The following PPM1E variants were observed in gnomAD, a reference collection of about 807,000 sequenced individuals.
PPM1E encodes protein phosphatase 1E.
A neutral mutation model predicts 65.9 loss-of-function variants in PPM1E; 20 were observed. The ratio of observed to expected loss-of-function variants is 0.30; its 90% CI spans 0.21 to 0.44. The LOEUF (loss-of-function observed/expected upper bound fraction) is 0.44, where lower values mean the gene tolerates loss of function less well. Ranked by LOEUF, PPM1E falls within the 20% of genes least tolerant of loss-of-function variation. The pLI is 1.00. For missense variants in PPM1E, 713 were observed against 953.1 expected (o/e 0.75, Z 3.32); for synonymous variants, 352 against 374.9 (o/e 0.94, Z 0.70).
intron 1 of PPM1E, among the ~76,000 whole-genome samples, chr17:58,795,824 A>G (rs2050200702): frequency 6.6e-6 from 1 of 152,142 alleles, no homozygotes. Context: ...TGCTGGGTAC[A>G]TGTATGTCTT....
At chr17:58,814,254 G>A (rs1272456837) in intron 1 of PPM1E, among the ~76,000 whole-genome samples, 1 of 151,852 alleles carries the variant, frequency 6.6e-6, no homozygotes, top group Non-Finnish European at 1.5e-5. Flanking sequence ...TCTTTTTGGA[G>A]GAACTGGTAA....
chr17:58,931,978 C>G (rs2051905910), intron 1 of PPM1E, among the ~76,000 whole-genome samples: 1 of 152,028 alleles, frequency 6.6e-6, no homozygotes, highest in Non-Finnish European at 1.5e-5. Flanking sequence ...ATTAAATGAC[C>G]CCAAAGAATT....
intron 1 of PPM1E, among the ~76,000 whole-genome samples, chr17:58,907,801 A>G (rs2051576529): frequency 6.6e-6 from 1 of 152,134 alleles, no homozygotes; most frequent in Non-Finnish European, 1.5e-5. Flanking sequence ...GAAATTAAGT[A>G]TCTACTTCTG....
In PPM1E at chr17:58,981,037, C is replaced by A; in HGVS notation, c.*6C>A. ...GGAGCTATAAAATAGAATAATTTTT[C>A]TTTCAAGTAGGTTAGCTAGCTCTCC... On this transcript the variant is annotated 3_prime_UTR_variant, in exon 7 of 7. Coordinates refer to ENST00000308249, the MANE Select transcript of PPM1E (RefSeq NM_014906.5). 1 of 1,570,034 alleles carries A rather than the reference C, an allele frequency of 6.4e-7. No homozygotes were observed.
intron 4 of PPM1E, among the ~76,000 whole-genome samples, 195 bp from the exon 5 acceptor site, chr17:58,971,937 T>TTA (rs1342055613): frequency 6.6e-6 from 1 of 152,268 alleles, no homozygotes; most frequent in Non-Finnish European, 1.5e-5. Context: ...TCAGGTGGAC[T>TTA]TATGTGTGTA....
At chr17:58,819,255 C>G (rs577976742) in intron 1 of PPM1E, among the ~76,000 whole-genome samples, 4 of 152,266 alleles carry the variant, frequency 2.6e-5, no homozygotes, top group African/African-American at 9.6e-5. Context: ...AAGTGATTCT[C>G]CTGCCTAAGC....
intron 1 of PPM1E, among the ~76,000 whole-genome samples, chr17:58,850,771 C>G (rs2050818859): frequency 6.6e-6 from 1 of 152,142 alleles, no homozygotes; most frequent in African/African-American, 2.4e-5. Context: ...TTGCTCTTCT[C>G]AAGGAGTATC....
rs190650501 is a variant in PPM1E, at chr17:58,756,168, G to A, written c.171G>A (p.Glu57=). The change falls in exon 1 of 7, where the codon GAG becomes GAA. Residue 57 remains glutamate (E), a synonymous_variant. Transcript: ENST00000308249. The part of the protein sequence containing the change: ...PEPEPELVEA[E]AAEASVEEPG... ...CCGAACCTGAACTGGTAGAAGCTGAGGCGGCCGAGGCTTCGGTAGAGGAAC... is the reference window on the plus strand; with the variant it reads ...CCGAACCTGAACTGGTAGAAGCTGAAGCGGCCGAGGCTTCGGTAGAGGAAC... 1,304 of 1,579,386 alleles carry A rather than the reference G, an allele frequency of 8.3e-4. 18 individuals carry two copies. In the African/African-American group the frequency reaches 0.015, roughly 19 times the overall value.
chr17:58,756,089 C>T lies in PPM1E; in HGVS notation c.92C>T (p.Pro31Leu), dbSNP rs372040640. The T allele has an allele frequency of 1.9e-6, 3 of 1,599,640 alleles. 1 individual carries two copies. Among genetic ancestry groups the T allele is most frequent in the Non-Finnish European group, 8.5e-7 (1 of 1,175,642 alleles). ...CGCGGACCGTGCGGCGGCGGCGAGCCGGAGCCGGAACCCGAACCCGAACCC... is the reference window on the plus strand; with the variant it reads ...CGCGGACCGTGCGGCGGCGGCGAGCTGGAGCCGGAACCCGAACCCGAACCC... ...EFRGPCGGGEPEPEPEPEPEP... is the reference protein window; with the variant it reads ...EFRGPCGGGELEPEPEPEPEP... Residue 31 changes from proline (P) to leucine (L), a missense_variant, in exon 1 of 7, where the codon CCG becomes CTG. Physicochemically the swap from Pro to Leu is moderately conservative, Grantham distance 98. This residue lies in a region of PPM1E where 212 missense variants were observed against 204.0 expected (regional missense o/e 1.04). Coordinates refer to ENST00000308249, the MANE Select transcript of PPM1E (RefSeq NM_014906.5).
At chr17:58,843,798 T>C (rs1037498439) in intron 1 of PPM1E, among the ~76,000 whole-genome samples, 2 of 152,042 alleles carry the variant, frequency 1.3e-5, no homozygotes, top group Non-Finnish European at 2.9e-5. Context: ...GCCAATGCAC[T>C]CCAGCCTGGG....
At position 58,765,179 on chromosome 17, in the gene PPM1E, CTTTTTTT is replaced by C. The variant is rs11298918; in HGVS notation, c.464+8729_464+8735del. Among the ~76,000 whole-genome samples, 376 of 132,128 alleles carry C rather than the reference CTTTTTTT, an allele frequency of 2.8e-3. 1 individual carries two copies. Among genetic ancestry groups the C allele is most frequent in the Non-Finnish European group, 5.3e-3 (327 of 61,542 alleles). The allele number at this position is 132,128 out of a possible 152,430, so 86.7% of individuals were successfully genotyped here. A position where few individuals can be genotyped will look rare whatever the true frequency, so the allele number is the denominator to read the frequency against. Reference sequence around the variant, plus strand: ...TTGTAATGAACATTTTTCTTTCTTTCTTTTTTTTTTTTTTTTTGAGACAGGGTCTCGC... The same window carrying C: ...TTGTAATGAACATTTTTCTTTCTTTCTTTTTTTTTTGAGACAGGGTCTCGC... On this transcript the variant is annotated intron_variant, in intron 1 of 6. Coordinates refer to ENST00000308249, the MANE Select transcript of PPM1E (RefSeq NM_014906.5).
chr17:58,978,692 C>T (rs568249970), intron 6 of PPM1E, among the ~76,000 whole-genome samples: 2 of 151,880 alleles, frequency 1.3e-5, no homozygotes, highest in South Asian at 4.2e-4. Context: ...GCCTGGGCGA[C>T]AAAAAATAAA....
chr17:58,965,614 A>T, intron 2 of PPM1E, 80 bp from the exon 3 acceptor site: 1 of 1,370,244 alleles, frequency 7.3e-7, no homozygotes, highest in Non-Finnish European at 1.0e-6. Context: ...AAGGTGACCT[A>T]CTTCTGTCTT....
chr17:58,796,539 G>A (rs557178855), intron 1 of PPM1E, among the ~76,000 whole-genome samples: 62 of 152,278 alleles, frequency 4.1e-4, no homozygotes, highest in African/African-American at 1.4e-3. Context: ...CAAAATGTTA[G>A]GATTACAGGC....
chr17:58,825,706 A>G (rs2050529079), intron 1 of PPM1E, among the ~76,000 whole-genome samples: 5 of 151,728 alleles, frequency 3.3e-5, no homozygotes, highest in Admixed American at 3.3e-4. Flanking sequence ...AGTAGCTGGG[A>G]TTACAGGCAC....
chr17:58,956,572 A>G (rs1230423377), intron 2 of PPM1E, among the ~76,000 whole-genome samples: 5 of 152,120 alleles, frequency 3.3e-5, no homozygotes, highest in Non-Finnish European at 7.3e-5. Context: ...CAGTAAATAG[A>G]GCTCTTTATG....
intron 1 of PPM1E, among the ~76,000 whole-genome samples, chr17:58,930,278 C>CACACAG (rs1567878200): frequency 6.6e-6 from 1 of 151,536 alleles, no homozygotes. Flanking sequence ...CACACACACA[C>CACACAG]ACACACAGAC....
intron 1 of PPM1E, among the ~76,000 whole-genome samples, chr17:58,904,596 A>G (rs965818806): frequency 3.9e-5 from 6 of 152,198 alleles, no homozygotes; most frequent in Admixed American, 1.3e-4. Context: ...TCAAATGGGA[A>G]TAACTGGCAT....
At chr17:58,796,603 C>A (rs1312388829) in intron 1 of PPM1E, among the ~76,000 whole-genome samples, 1 of 132,652 alleles carries the variant, frequency 7.5e-6, no homozygotes, top group Admixed American at 7.2e-5. Context: ...TGACCTTTAT[C>A]TTTTAATTAA....
Sources: gnomAD v4.1 joint callset for allele counts (sites outside exome capture counted in the v4.1 genomes callset) on GRCh38, gnomAD v4.1.1 for gene constraint, gnomAD v4.1.1 regional missense constraint, MANE v1.5 for transcripts, NCBI Gene and HGNC (gene_info 2026-07-23, HGNC 2026-07-21) for gene names.